NUP58: variants seen among roughly 807,000 people sequenced by gnomAD.
NUP58 encodes the protein nucleoporin p58/p45.
In NUP58, 17 loss-of-function variants were observed where a neutral mutation model predicts 70.1. The observed-to-expected ratio is 0.24, with a 90% confidence interval of 0.17 to 0.36. The LOEUF (loss-of-function observed/expected upper bound fraction) is 0.36. Among genes scored for constraint, NUP58 ranks in the 10% least tolerant of loss-of-function variants. The pLI, the probability that NUP58 is intolerant of heterozygous loss-of-function variation, is 1.00. For synonymous variants in NUP58, 275 were observed against 257.6 expected, an observed-to-expected ratio of 1.07 and a Z score of -0.65; for missense variants, 644 against 701.5, an observed-to-expected ratio of 0.92 and a Z score of 0.93.
intron 12 of NUP58, among the ~76,000 whole-genome samples, chr13:25,330,119 C>T (rs548190252): frequency 6.6e-5 from 10 of 152,234 alleles, no homozygotes; most frequent in Middle Eastern, 3.4e-3. Flanking sequence ...GGAGCCACCG[C>T]GGCCAGGCTG....
intron 3 of NUP58, among the ~76,000 whole-genome samples, chr13:25,311,532 C>T (rs1457462407): frequency 2.0e-5 from 3 of 152,020 alleles, no homozygotes; most frequent in East Asian, 1.9e-4. Flanking sequence ...TGCGCCACCA[C>T]GCCCAGCTAA....
In NUP58 at chr13:25,313,602, C is replaced by G. The variant is rs374108928; in HGVS notation, c.437-12C>G. 1.9e-4 allele frequency: 275 copies of G among 1,480,296 alleles called. No individual in the cohort carries two copies. The highest frequency in any genetic ancestry group is 2.3e-4 in the Non-Finnish European group (259 of 1,123,730). 91.7% of individuals were successfully genotyped at this position (1,480,296 alleles called of 1,614,324 possible). ...GTTGCCTTTTGAAAGCTTACTATCT[C>G]TCTTTTTATAGCATCCACAGGATTT... On this transcript the variant is annotated splice_polypyrimidine_tract_variant and intron_variant, in intron 4 of 15. Coordinates refer to ENST00000381736, the MANE Select transcript of NUP58 (RefSeq NM_014089.4).
chr13:25,307,781 T>A, intron 1 of NUP58, 25 bp from the exon 2 acceptor site: 2 of 1,612,132 alleles, frequency 1.2e-6, no homozygotes, highest in Non-Finnish European at 1.7e-6. Flanking sequence ...GTGATTTTTG[T>A]TTTGTTTTTG....
chr13:25,323,115 C>G (rs2031254282), intron 9 of NUP58, among the ~76,000 whole-genome samples: 1 of 151,966 alleles, frequency 6.6e-6, no homozygotes, highest in Non-Finnish European at 1.5e-5. Context: ...AAGACAACTC[C>G]AAAGGTACTA....
chr13:25,337,353 A>G (rs543198582), intron 14 of NUP58, among the ~76,000 whole-genome samples: 6 of 152,272 alleles, frequency 3.9e-5, no homozygotes, highest in Admixed American at 1.3e-4. Context: ...CTTAAAATTA[A>G]TAGTCTTAAT....
At chr13:25,332,168 A>C (rs1274630653) in intron 13 of NUP58, 5 of 985,972 alleles carry the variant, frequency 5.1e-6, no homozygotes, top group Middle Eastern at 5.2e-4. Flanking sequence ...CAGCAAGAGC[A>C]GGAAAAAGAT....
chr13:25,344,472 C>A (rs750628606), downstream of NUP58, among the ~76,000 whole-genome samples: 1 of 152,144 alleles, frequency 6.6e-6, no homozygotes, highest in Non-Finnish European at 1.5e-5. Flanking sequence ...TCATTGTAGC[C>A]GGATGCTTTA....
chr13:25,327,659 C>G lies in NUP58; in HGVS notation c.1233+147C>G, dbSNP rs1019744671. ...AAAACTACTATAATCCATAACATAC[C>G]CAGACATAACGATTGATAATACCTG... On this transcript the variant is annotated intron_variant, in intron 12 of 15. Coordinates refer to ENST00000381736, the MANE Select transcript of NUP58 (RefSeq NM_014089.4). 5 of 524,884 alleles carry G rather than the reference C, an allele frequency of 9.5e-6. No homozygotes were observed. The African/African-American group carries it at 9.7e-5, about 10-fold the overall frequency. 32.5% of individuals were successfully genotyped at this position (524,884 alleles called of 1,614,324 possible). A position where few individuals can be genotyped will look rare whatever the true frequency, so the allele number is the denominator to read the frequency against.
At chr13:25,319,415 A>C in intron 7 of NUP58, 65 bp downstream of exon 7, 1 of 1,432,852 alleles carries the variant, frequency 7.0e-7, no homozygotes, top group South Asian at 1.2e-5. Flanking sequence ...AATTGTAGGC[A>C]GATGGTATAA....
chr13:25,315,714 A>G (rs1409297866), intron 6 of NUP58, among the ~76,000 whole-genome samples: 1 of 152,138 alleles, frequency 6.6e-6, no homozygotes, highest in Non-Finnish European at 1.5e-5. Context: ...AAATATTTTA[A>G]TGCTGCTTAA....
intron 3 of NUP58, among the ~76,000 whole-genome samples, chr13:25,348,592 T>A (rs2137857793): frequency 6.6e-6 from 1 of 152,308 alleles, no homozygotes; most frequent in Admixed American, 6.5e-5. Flanking sequence ...AAATTTAAAG[T>A]TATATATGTG....
chr13:25,343,824 T>TAC (rs1566076144), downstream of NUP58, among the ~76,000 whole-genome samples: 3 of 135,186 alleles, frequency 2.2e-5, no homozygotes, highest in African/African-American at 5.5e-5. Context: ...TATATATATA[T>TAC]ATACACATAT....
Position 25,340,900 on chromosome 13 carries a change from A to G in NUP58, c.*766A>G, listed in dbSNP as rs1462923849. The G allele has an allele frequency of 6.6e-6, 1 of 152,250 alleles. No homozygotes were observed. The highest frequency in any genetic ancestry group is 1.5e-5 in the Non-Finnish European group (1 of 68,126). 9.4% of individuals were successfully genotyped at this position (152,250 alleles called of 1,614,324 possible). ...ACCACTGCACTCCAGCCTGGGCAAC[A>G]AGAGCAAAACTCCGTCTCAAAAAAG... On this transcript the variant is annotated 3_prime_UTR_variant, in exon 16 of 16. Coordinates refer to ENST00000381736, the MANE Select transcript of NUP58 (RefSeq NM_014089.4).
At chr13:25,335,279 C>G (rs2031740910) in intron 13 of NUP58, 1 of 985,218 alleles carries the variant, frequency 1.0e-6, no homozygotes, top group Non-Finnish European at 1.2e-6. Flanking sequence ...TTCTGTTGCT[C>G]TTAACAACAG....
chr13:25,302,948 A>G (rs1052145088), intron 1 of NUP58: 6 of 456,508 alleles, frequency 1.3e-5, no homozygotes, highest in African/African-American at 6.0e-5. Flanking sequence ...TGCTTAGGCT[A>G]TTGTCATTCG....
chr13:25,333,991 T>A, intron 13 of NUP58: 1 of 985,390 alleles, frequency 1.0e-6, no homozygotes, highest in Non-Finnish European at 1.2e-6. Flanking sequence ...CTTCTGTATC[T>A]TTCTCAGAGG....
At chr13:25,318,804 T>C (rs186399416) in intron 6 of NUP58, among the ~76,000 whole-genome samples, 74 of 152,306 alleles carry the variant, frequency 4.9e-4, no homozygotes, top group Admixed American at 2.9e-3. Flanking sequence ...ATTGTGATAG[T>C]TGTTTTAAGG....
At chr13:25,320,686 T>C in intron 8 of NUP58, 91 bp downstream of exon 8, 3 of 939,020 alleles carry the variant, frequency 3.2e-6, no homozygotes, top group Non-Finnish European at 4.9e-6. Flanking sequence ...AATCGCATCC[T>C]AGAGGAGCAT....
chr13:25,315,401 G>A lies in NUP58; in HGVS notation c.619G>A (p.Ala207Thr), dbSNP rs779759683. The change falls in exon 6 of 16, where the codon GCT (alanine) becomes ACT (threonine). Residue 207 changes from alanine to threonine, a missense_variant. Transcript: ENST00000381736. ...ALGLTLGTTA[A>T]TSTAGNEGLG... is the part of the protein sequence containing the mutation. ...AGGGTTGACTTTGGGAACTACAGCAGCTACTTCAACTGCAGGCAATGAAGG... is the reference window on the plus strand; with the variant it reads ...AGGGTTGACTTTGGGAACTACAGCAACTACTTCAACTGCAGGCAATGAAGG... The A allele has an allele frequency of 2.5e-6, 4 of 1,613,976 alleles. No individual in the cohort carries two copies. The South Asian group carries it at 4.4e-5, about 18-fold the overall frequency.
Sources: allele counts gnomAD v4.1 joint callset (sites outside exome capture counted in the v4.1 genomes callset), GRCh38; gene constraint gnomAD v4.1.1; transcripts MANE v1.5; gene names NCBI Gene and HGNC (gene_info 2026-07-23, HGNC 2026-07-21).